Variants in HCN4 observed in about 807,000 individuals in gnomAD.
The protein encoded by HCN4 is hyperpolarization activated cyclic nucleotide gated potassium channel 4, also known as potassium/sodium hyperpolarization-activated cyclic nucleotide-gated channel 4.
A neutral mutation model predicts 76.9 loss-of-function variants in HCN4; 29 were observed. The observed-to-expected ratio is 0.38, with a 90% CI of 0.28 to 0.51. The LOEUF (loss-of-function observed/expected upper bound fraction) is 0.51. Ranked by LOEUF, HCN4 falls within the 20% of genes least tolerant of loss-of-function variation. The pLI, the probability that HCN4 is intolerant of heterozygous loss-of-function variation, is 0.90. For synonymous variants in HCN4, 772 were observed against 762.5 expected (o/e 1.01, Z -0.21); for missense variants, 1,416 against 1,715.2 (o/e 0.83, Z 3.08).
intron 1 of HCN4, among the ~76,000 whole-genome samples, chr15:73,347,786 C>A (rs937554914): frequency 1.3e-5 from 2 of 152,166 alleles, no homozygotes; most frequent in Non-Finnish European, 2.9e-5. Context: ...CTGGAGTTGG[C>A]ACGTGCCTGA....
At chr15:73,351,733 C>T (rs1035130266) in intron 1 of HCN4, among the ~76,000 whole-genome samples, 1 of 152,194 alleles carries the variant, frequency 6.6e-6, no homozygotes, top group Non-Finnish European at 1.5e-5. Flanking sequence ...AATCCTTCTG[C>T]GCTTCCCATC....
intron 2 of HCN4, among the ~76,000 whole-genome samples, chr15:73,338,441 G>C (rs1240221703): frequency 6.6e-6 from 1 of 152,202 alleles, no homozygotes; most frequent in Admixed American, 6.5e-5. Context: ...TGCAAGGACA[G>C]AGCCACTGCC....
chr15:73,365,177 G>T (rs568080850), intron 1 of HCN4, among the ~76,000 whole-genome samples: 4 of 152,308 alleles, frequency 2.6e-5, no homozygotes, highest in African/African-American at 7.2e-5. Flanking sequence ...TCGAAGCTTA[G>T]AAGAATTAGC....
intron 1 of HCN4, among the ~76,000 whole-genome samples, chr15:73,362,352 G>A (rs756153252): frequency 2.0e-5 from 3 of 152,204 alleles, no homozygotes; most frequent in Non-Finnish European, 4.4e-5. Flanking sequence ...CATGGAACAA[G>A]CGCATGAACA....
intron 1 of HCN4, among the ~76,000 whole-genome samples, chr15:73,365,512 G>C (rs1191375681): frequency 6.6e-6 from 1 of 152,214 alleles, no homozygotes; most frequent in African/African-American, 2.4e-5. Context: ...GCAGCCTGCA[G>C]TTAGTGGGAG....
intron 1 of HCN4, among the ~76,000 whole-genome samples, chr15:73,365,135 C>T (rs962934238): frequency 6.6e-6 from 1 of 151,178 alleles, no homozygotes; most frequent in East Asian, 1.9e-4. Flanking sequence ...GGTCGGGGTG[C>T]GGTGGGTTAG....
chr15:73,341,330 C>T (rs946289575), intron 2 of HCN4, among the ~76,000 whole-genome samples: 25 of 151,284 alleles, frequency 1.7e-4, no homozygotes, highest in African/African-American at 4.9e-4. Context: ...TTAGTAGAGA[C>T]GGGGTTTCAC....
chr15:73,362,572 A>C (rs749858741), intron 1 of HCN4, among the ~76,000 whole-genome samples: 1 of 152,232 alleles, frequency 6.6e-6, no homozygotes, highest in Non-Finnish European at 1.5e-5. Flanking sequence ...AAATGCCACA[A>C]GGTGGTCAGC....
chr15:73,339,629 A>G (rs1193932484), intron 2 of HCN4, among the ~76,000 whole-genome samples: 2 of 152,216 alleles, frequency 1.3e-5, no homozygotes, highest in East Asian at 3.9e-4. Context: ...GTGCCTCACA[A>G]GTGGGGAAAC....
At chr15:73,359,977 G>A (rs965280071) in intron 1 of HCN4, among the ~76,000 whole-genome samples, 4 of 152,176 alleles carry the variant, frequency 2.6e-5, no homozygotes, top group African/African-American at 9.7e-5. Context: ...GTCAGGACCT[G>A]CCCAGGAAGA....
chr15:73,358,955 G>A (rs1416431719), intron 1 of HCN4, among the ~76,000 whole-genome samples: 1 of 152,130 alleles, frequency 6.6e-6, no homozygotes, highest in Non-Finnish European at 1.5e-5. Flanking sequence ...CTTGGAATGG[G>A]TGATATGGTA....
chr15:73,333,590 C>A (rs1002545946), intron 2 of HCN4, among the ~76,000 whole-genome samples: 2 of 152,162 alleles, frequency 1.3e-5, no homozygotes, highest in African/African-American at 4.8e-5. Context: ...TGCAGTCACC[C>A]CCACCTGTGG....
chr15:73,363,742 G>C (rs1279951796), intron 1 of HCN4, among the ~76,000 whole-genome samples: 2 of 152,176 alleles, frequency 1.3e-5, no homozygotes, highest in Admixed American at 1.3e-4. Flanking sequence ...GGACAGGGGA[G>C]GTGTGGTTCA....
Position 73,367,390 on chromosome 15 carries a change from G to C in HCN4, c.785+96C>G. The C allele has an allele frequency of 6.3e-7, 1 of 1,577,062 alleles. No homozygotes were observed. The highest frequency in any genetic ancestry group is 1.7e-5 in the Admixed American group (1 of 57,312). On this transcript the variant is annotated intron_variant, in intron 1 of 7. Transcript: ENST00000261917. The surrounding 1 kb of genome is among the most constrained non-coding windows in gnomAD (Gnocchi z 7.5). ...GCCTCTCTTGGAGCTCCCAGCGCAA[G>C]GCAGGAAAGTTAACTCCGGCTGGGA...
At chr15:73,363,245 T>C (rs1452435103) in intron 1 of HCN4, among the ~76,000 whole-genome samples, 5 of 152,220 alleles carry the variant, frequency 3.3e-5, no homozygotes, top group Admixed American at 2.6e-4. Context: ...CTGCTGCCTC[T>C]TCCTCCTTGC....
chr15:73,358,561 G>A (rs1467921449), intron 1 of HCN4, among the ~76,000 whole-genome samples: 3 of 152,186 alleles, frequency 2.0e-5, no homozygotes, highest in African/African-American at 7.2e-5. Context: ...CAAAGGCTGT[G>A]CACCTAGGAC....
In HCN4 at chr15:73,348,030, G is replaced by T. The variant is rs118044096; in HGVS notation, c.786-4222C>A. Among the ~76,000 whole-genome samples, 1,068 of 152,318 alleles carry T rather than the reference G, an allele frequency of 7.0e-3. 13 individuals carry two copies. Among genetic ancestry groups the T allele is most frequent in the South Asian group, 0.03 (145 of 4,826 alleles). On this transcript the variant is annotated intron_variant, in intron 1 of 7. Coordinates refer to ENST00000261917, the MANE Select transcript of HCN4 (RefSeq NM_005477.3). ...GGCAACTTATAGGCTGACACTGGAG[G>T]GGCAGGTCCCATATGCAGAAAGAAT...
chr15:73,332,297 C>A lies in HCN4; in HGVS notation c.1210-5G>T. ...GTCGTAGGTCATGTGGAAGATCTGCCAGCAGAGGAGGAGAAATTGGCTGGG... is the reference window on the plus strand; with the variant it reads ...GTCGTAGGTCATGTGGAAGATCTGCAAGCAGAGGAGGAGAAATTGGCTGGG... On this transcript the variant is annotated splice_polypyrimidine_tract_variant and splice_region_variant and intron_variant, in intron 2 of 7. Transcript: ENST00000261917. The A allele has an allele frequency of 6.2e-7, 1 of 1,614,160 alleles. No homozygotes were observed. The highest frequency in any genetic ancestry group is 8.5e-7 in the Non-Finnish European group (1 of 1,180,006).
In HCN4 at chr15:73,323,082, G is replaced by C; in HGVS notation, c.3011C>G (p.Pro1004Arg). The C allele has an allele frequency of 6.4e-7, 1 of 1,574,394 alleles. No individual in the cohort carries two copies. The highest frequency in any genetic ancestry group is 8.6e-7 in the Non-Finnish European group (1 of 1,163,400). ...PETPPRQPEP[P>R]SLVAGASGGA... ...CCCAGAGGCCCCTGCCACAAGGGAC[G>C]GCGGCTCAGGCTGCCGTGGGGGTGT... The change falls in exon 8 of 8, where the codon CCG becomes CGG. Residue 1004 changes from proline (P) to arginine (R), a missense_variant. Transcript: ENST00000261917.
Sources: allele counts gnomAD v4.1 joint callset (sites outside exome capture counted in the v4.1 genomes callset), GRCh38; gene constraint gnomAD v4.1.1; non-coding constraint Gnocchi (gnomAD v3.1); transcripts MANE v1.5; gene names NCBI Gene and HGNC (gene_info 2026-07-23, HGNC 2026-07-21).